CLPB: variants seen among roughly 807,000 people sequenced by gnomAD.
CLPB encodes ClpB family mitochondrial disaggregase.
Under a neutral mutation model 78.4 loss-of-function variants are expected in CLPB, and 40 were observed. That is an observed-to-expected ratio of 0.51 (90% CI 0.40 to 0.66). The LOEUF (loss-of-function observed/expected upper bound fraction) is 0.66. CLPB is among the 30% of genes least tolerant of loss of function. The probability of loss-of-function intolerance (pLI) is 0.00; values close to 1 mark genes in which losing one functional copy is unlikely to be tolerated. For missense variants in CLPB, 780 were observed against 886.9 expected, an observed-to-expected ratio of 0.88 and a Z score of 1.53; for synonymous variants, 333 against 348.0, an observed-to-expected ratio of 0.96 and a Z score of 0.48.
At chr11:72,376,405 C>A (rs941709393) in intron 4 of CLPB, among the ~76,000 whole-genome samples, 1 of 151,996 alleles carries the variant, frequency 6.6e-6, no homozygotes, top group Non-Finnish European at 1.5e-5. Flanking sequence ...GAGAGAAGAG[C>A]CCTGAGAAGA....
chr11:72,426,670 G>A (rs549439834), intron 2 of CLPB, among the ~76,000 whole-genome samples: 104 of 152,292 alleles, frequency 6.8e-4, no homozygotes, highest in African/African-American at 2.4e-3. Flanking sequence ...TCAATAAAAA[G>A]CAAAGAAAGA....
At chr11:72,389,194 G>C (rs555245593) in intron 3 of CLPB, among the ~76,000 whole-genome samples, 1 of 152,336 alleles carries the variant, frequency 6.6e-6, no homozygotes, top group Non-Finnish European at 1.5e-5. Flanking sequence ...TGCTGAAGCA[G>C]AAAGAAATCC....
intron 11 of CLPB, among the ~76,000 whole-genome samples, chr11:72,301,360 C>G (rs963457627): frequency 2.0e-5 from 3 of 152,212 alleles, no homozygotes; most frequent in Non-Finnish European, 4.4e-5. Context: ...ATGTTTGGCA[C>G]ACAGGGAGGA....
chr11:72,350,166 G>A (rs2135588172), intron 5 of CLPB, among the ~76,000 whole-genome samples: 1 of 152,328 alleles, frequency 6.6e-6, no homozygotes, highest in African/African-American at 2.4e-5. Flanking sequence ...CTGGGTAAAG[G>A]GCTGAGGGTA....
rs1435966631 is a variant in CLPB, at chr11:72,288,867, G to A, written c.*4500C>T. On this transcript the variant is annotated 3_prime_UTR_variant, in exon 16 of 16. Transcript: ENST00000538039. Reference sequence around the variant, plus strand: ...AACACCACCTAGGAGTTCTGGCAGAGAATCTCTGGAAGAAGTAATTCTTTT... The same window carrying A: ...AACACCACCTAGGAGTTCTGGCAGAAAATCTCTGGAAGAAGTAATTCTTTT... The A allele has an allele frequency of 6.6e-6, 1 of 152,206 alleles. No individual in the cohort carries two copies. The highest frequency in any genetic ancestry group is 6.5e-5 in the Admixed American group (1 of 15,272). The allele number at this position is 152,206 out of a possible 1,614,324, so 9.4% of individuals were successfully genotyped here.
At chr11:72,409,728 A>G (rs1240160897) in intron 2 of CLPB, among the ~76,000 whole-genome samples, 3 of 152,194 alleles carry the variant, frequency 2.0e-5, no homozygotes, top group Non-Finnish European at 4.4e-5. Flanking sequence ...CTGTAATCCC[A>G]GCACTTTGGA....
Position 72,293,585 on chromosome 11 carries a change from C to T in CLPB, c.1816G>A (p.Ala606Thr). ...VERRVVNQLA[A>T]AYEQDLLPGG... ...GGCAGCAGGTCCTGCTCATAGGCTG[C>T]TGCCAGCTGGTTCACCACACGGCGT... The change falls in exon 16 of 16, where the codon GCA (alanine) becomes ACA (threonine). Residue 606 changes from alanine to threonine, a missense_variant. Coordinates refer to ENST00000538039, the MANE Select transcript of CLPB (RefSeq NM_001258392.3). The T allele has an allele frequency of 6.2e-7, 1 of 1,613,764 alleles. No individual in the cohort carries two copies. The highest frequency in any genetic ancestry group is 1.1e-5 in the South Asian group (1 of 91,060).
intron 3 of CLPB, among the ~76,000 whole-genome samples, chr11:72,389,110 G>A (rs565219585): frequency 1.3e-5 from 2 of 152,198 alleles, no homozygotes; most frequent in Non-Finnish European, 2.9e-5. Flanking sequence ...TCAAGGCAAG[G>A]CAAAAGCAGC....
At chr11:72,380,434 A>G (rs760950203) in intron 3 of CLPB, 50 bp from the exon 4 acceptor site, 3 of 1,446,822 alleles carry the variant, frequency 2.1e-6, no homozygotes, top group Non-Finnish European at 1.9e-6. Flanking sequence ...AAGGCCCAGG[A>G]GGTACAGACC....
chr11:72,293,614 A>G lies in CLPB; in HGVS notation c.1787T>C (p.Val596Ala). 1.9e-6 allele frequency: 3 copies of G among 1,608,640 alleles called. No homozygotes were observed. The highest frequency in any genetic ancestry group is 8.5e-7 in the Non-Finnish European group (1 of 1,176,188). Residue 596 changes from valine to alanine, a missense_variant and splice_region_variant, in exon 16 of 16, where the codon GTA becomes GCA. Around this residue, in one of 3 missense-constraint regions of CLPB, gnomAD observed 272 missense variants for 304.0 expected, o/e 0.89. Transcript: ENST00000538039. Reference protein sequence around the residue: ...HYGARSIKHEVERRVVNQLAA... With the variant: ...HYGARSIKHEAERRVVNQLAA... ...CAGCTGGTTCACCACACGGCGTTCT[A>G]CCTGTCGGTGGGGAGGTGAAGTGGT...
intron 5 of CLPB, among the ~76,000 whole-genome samples, chr11:72,337,532 G>A (rs1270372031): frequency 2.0e-5 from 3 of 152,154 alleles, no homozygotes; most frequent in Non-Finnish European, 4.4e-5. Context: ...ATCAAACAAA[G>A]ATTCTGAGAA....
chr11:72,408,210 G>T, intron 2 of CLPB: 1 of 1,532,474 alleles, frequency 6.5e-7, no homozygotes, highest in South Asian at 1.2e-5. Flanking sequence ...TGGGGCTGAG[G>T]TATAATGGAA....
chr11:72,417,973 C>G (rs151026388), intron 2 of CLPB, among the ~76,000 whole-genome samples: 2 of 152,274 alleles, frequency 1.3e-5, no homozygotes, highest in East Asian at 3.9e-4. Context: ...AACACACAGG[C>G]TTCGCAGGAG....
At chr11:72,381,418 T>C (rs900936255) in intron 3 of CLPB, among the ~76,000 whole-genome samples, 2 of 151,638 alleles carry the variant, frequency 1.3e-5, no homozygotes, top group Admixed American at 1.3e-4. Flanking sequence ...CTAGCCAGAC[T>C]GACCTTAGCA....
In CLPB at chr11:72,414,167, T is replaced by C. The variant is rs368530952; in HGVS notation, c.456-11115A>G. 3.3e-5 allele frequency among the ~76,000 whole-genome samples: 5 copies of C among 152,236 alleles called. No homozygotes were observed. In the East Asian group the frequency reaches 9.6e-4, roughly 29 times the overall value. ...AGTGTGTGCCAAGGCTGAGACTGAA[T>C]AAAACACGGAAGTCCAACAATACAA... is the stretch of plus-strand genomic sequence containing the variant. On this transcript the variant is annotated intron_variant, in intron 2 of 15. Transcript: ENST00000538039.
chr11:72,308,445 C>A, intron 8 of CLPB, 82 bp downstream of exon 8: 1 of 1,247,968 alleles, frequency 8.0e-7, no homozygotes, highest in Non-Finnish European at 1.2e-6. Context: ...CTGACCCTGG[C>A]CCGCAGCAGC....
At chr11:72,424,934 G>T (rs1488656617) in intron 2 of CLPB, among the ~76,000 whole-genome samples, 2 of 151,994 alleles carry the variant, frequency 1.3e-5, no homozygotes, top group Non-Finnish European at 2.9e-5. Context: ...AACTTAGCCA[G>T]GTGTGGTGGC....
rs569566680 is a variant in CLPB at position 72,369,859 on chromosome 11, G to A, written c.646+10422C>T. 9.2e-5 allele frequency among the ~76,000 whole-genome samples: 14 copies of A among 152,180 alleles called. No individual in the cohort carries two copies. The Middle Eastern group carries it at 0.02, about 222-fold the overall frequency. On this transcript the variant is annotated intron_variant, in intron 4 of 15. Coordinates refer to ENST00000538039, the MANE Select transcript of CLPB (RefSeq NM_001258392.3). ...AGGGGCAGAATAATGAACTGCGTGC[G>A]TCAGGGAAGATGAATCTGAGATACT...
At chr11:72,330,009 C>T (rs2071302217) in intron 5 of CLPB, among the ~76,000 whole-genome samples, 1 of 152,190 alleles carries the variant, frequency 6.6e-6, no homozygotes, top group Non-Finnish European at 1.5e-5. Flanking sequence ...ATGTGTTATA[C>T]ATACACAAAC....
Sources: allele counts gnomAD v4.1 joint callset (sites outside exome capture counted in the v4.1 genomes callset), GRCh38; gene constraint gnomAD v4.1.1; regional missense constraint gnomAD v4.1.1; transcripts MANE v1.5; gene names NCBI Gene and HGNC (gene_info 2026-07-23, HGNC 2026-07-21).